RANBP3: variants seen among roughly 807,000 people sequenced by gnomAD.
RANBP3 encodes RAN binding protein 3, also known as ran-binding protein 3.
In RANBP3, 14 loss-of-function variants were observed where a neutral mutation model predicts 77.3. The observed-to-expected ratio is 0.18, with a 90% CI of 0.12 to 0.28. The LOEUF (loss-of-function observed/expected upper bound fraction) is 0.28, where lower values mean the gene tolerates loss of function less well. Ranked by LOEUF, RANBP3 falls within the 10% of genes least tolerant of loss-of-function variation. The probability of loss-of-function intolerance (pLI) is 1.00; values close to 1 mark genes in which losing one functional copy is unlikely to be tolerated. For missense variants in RANBP3, 586 were observed against 752.3 expected (o/e 0.78, Z 2.59); for synonymous variants, 315 against 312.4 (o/e 1.01, Z -0.09).
At chr19:5,976,376 C>T (rs2058591011) in intron 1 of RANBP3, 1 of 152,194 alleles carries the variant, frequency 6.6e-6, no homozygotes, top group African/African-American at 2.4e-5. Context: ...CTGATTCCCA[C>T]TTACCCAGTC....
At chr19:5,932,881 A>C in intron 6 of RANBP3, 1 of 364,244 alleles carries the variant, frequency 2.7e-6, no homozygotes, top group Non-Finnish European at 5.0e-6. Context: ...GAGGCTCAGG[A>C]CTCGGTGTGG....
intron 2 of RANBP3, among the ~76,000 whole-genome samples, chr19:5,951,933 T>G (rs1483798930): frequency 6.6e-6 from 1 of 152,090 alleles, no homozygotes; most frequent in African/African-American, 2.4e-5. Flanking sequence ...ACAGGGACGA[T>G]CATGCAAAAT....
rs1048990155 is a variant in RANBP3, at chr19:5,952,964, C to A, written c.79-1368G>T. ...ACACCTCACAAGAGAAAAATTAAAC[C>A]CAGAGCTCTGTGGGGGACTGCCTAT... On this transcript the variant is annotated intron_variant, in intron 2 of 16. Transcript: ENST00000340578. The surrounding 1 kb of genome is among the most constrained non-coding windows in gnomAD (Gnocchi z 4.1). Among the ~76,000 whole-genome samples the A allele has an allele frequency of 6.6e-6, 1 of 151,966 alleles. No individual in the cohort carries two copies. Among genetic ancestry groups the A allele is most frequent in the Non-Finnish European group, 1.5e-5 (1 of 67,998 alleles).
In RANBP3 at chr19:5,924,949, C is replaced by T. The variant is rs752783342; in HGVS notation, c.918-44G>A. The T allele has an allele frequency of 6.2e-5, 96 of 1,556,476 alleles. No individual in the cohort carries two copies. Among genetic ancestry groups the T allele is most frequent in the Non-Finnish European group, 8.2e-5 (93 of 1,127,792 alleles). On this transcript the variant is annotated intron_variant, in intron 10 of 16. Coordinates refer to ENST00000340578, the MANE Select transcript of RANBP3 (RefSeq NM_007322.3). The surrounding 1 kb of genome is among the most constrained non-coding windows in gnomAD (Gnocchi z 4.7). ...ATGAGTGTGGGGCGTCACGTGGGAA[C>T]GTGGCCAGGCAAATGTATGGGTACC...
At chr19:5,930,740 T>C (rs192285402) in intron 8 of RANBP3, among the ~76,000 whole-genome samples, 1 of 152,088 alleles carries the variant, frequency 6.6e-6, no homozygotes, top group Non-Finnish European at 1.5e-5. Flanking sequence ...GGCTAATCTG[T>C]GTATTTTTTG....
chr19:5,951,530 G>C lies in RANBP3; in HGVS notation c.145C>G (p.His49Asp). 6.2e-7 allele frequency: 1 copy of C among 1,612,324 alleles called. No homozygotes were observed. The highest frequency in any genetic ancestry group is 2.2e-5 in the East Asian group (1 of 44,876). ...EEPRGEAEAP[H>D]HGTGHPESAG... ...GACTCGGGGTGACCCGTGCCATGGT[G>C]GGGGGCCTCAGCCTCCCCCCGAGGC... The change falls in exon 3 of 17, where the codon CAC (histidine) becomes GAC (aspartate). Residue 49 changes from histidine to aspartate, a missense_variant. His to Asp is a moderately conservative substitution (Grantham distance 81). Transcript: ENST00000340578.
In RANBP3 at chr19:5,958,027, A is replaced by T. The variant is rs2058356115; in HGVS notation, c.23-54T>A. The T allele has an allele frequency of 6.9e-7, 1 of 1,451,218 alleles. No homozygotes were observed. The highest frequency in any genetic ancestry group is 1.4e-5 in the African/African-American group (1 of 71,220). The allele number at this position is 1,451,218 out of a possible 1,614,324, so 89.9% of individuals were successfully genotyped here. ...CCCCAACACTATATGCATACAGTAA[A>T]CAAAGCTACACTTGTTTGTAATATG... On this transcript the variant is annotated intron_variant, in intron 1 of 16. Transcript: ENST00000340578. This position sits in a 1 kb window ranked among gnomAD's most constrained non-coding sequence, Gnocchi z 4.4.
At chr19:5,923,406 A>G (rs902259861) in intron 12 of RANBP3, 103 bp from the exon 13 acceptor site, 1 of 1,179,134 alleles carries the variant, frequency 8.5e-7, no homozygotes, top group Non-Finnish European at 1.2e-6. Flanking sequence ...GGTCTCAAGG[A>G]CGCCTGCTGC....
intron 5 of RANBP3, among the ~76,000 whole-genome samples, chr19:5,936,022 C>T (rs963403766): frequency 5.9e-5 from 9 of 152,170 alleles, no homozygotes; most frequent in Admixed American, 2.6e-4. Flanking sequence ...CTGGCAGGCT[C>T]CCTGTCTGAG....
intron 6 of RANBP3, chr19:5,933,174 C>T (rs1304037342): frequency 2.1e-6 from 1 of 485,542 alleles, no homozygotes; most frequent in Non-Finnish European, 3.7e-6. Flanking sequence ...ATGCACCCCG[C>T]CTAGCCTGCT....
At chr19:5,928,234 A>G in intron 8 of RANBP3, 147 bp from the exon 9 acceptor site, 1 of 940,298 alleles carries the variant, frequency 1.1e-6, no homozygotes, top group East Asian at 2.6e-5. Flanking sequence ...AGGCTGAGAC[A>G]GGAGGACTGC....
intron 3 of RANBP3, 89 bp from the exon 4 acceptor site, chr19:5,941,924 T>A: frequency 6.9e-7 from 1 of 1,459,432 alleles, no homozygotes; most frequent in Admixed American, 1.7e-5. Context: ...TATCCCAACA[T>A]GCACCACGGG....
At chr19:5,947,157 T>C (rs1390879038) in intron 3 of RANBP3, among the ~76,000 whole-genome samples, 2 of 151,154 alleles carry the variant, frequency 1.3e-5, no homozygotes, top group African/African-American at 4.9e-5. Flanking sequence ...CTACTAAAAA[T>C]ACAAAAATTA....
At chr19:5,974,076 C>T (rs745613635) in intron 1 of RANBP3, among the ~76,000 whole-genome samples, 31 of 152,152 alleles carry the variant, frequency 2.0e-4, no homozygotes, top group Non-Finnish European at 3.8e-4. Flanking sequence ...CTTCTGTTGT[C>T]ATGACGACCC....
chr19:5,949,602 C>T (rs986207899), intron 3 of RANBP3, among the ~76,000 whole-genome samples: 5 of 152,234 alleles, frequency 3.3e-5, no homozygotes, highest in African/African-American at 1.2e-4. Context: ...TATGCAGCCT[C>T]CAATCCTGGC....
At chr19:5,937,642 G>C (rs1178771141) in intron 5 of RANBP3, among the ~76,000 whole-genome samples, 1 of 152,196 alleles carries the variant, frequency 6.6e-6, no homozygotes, top group African/African-American at 2.4e-5. Context: ...AAAAACAGAA[G>C]GCAGGCAGAC....
intron 3 of RANBP3, among the ~76,000 whole-genome samples, chr19:5,948,320 C>T (rs1472882975): frequency 2.0e-5 from 3 of 152,128 alleles, no homozygotes; most frequent in East Asian, 3.9e-4. Context: ...GGCATGGTGG[C>T]GGGCGCCTGC....
At chr19:5,951,323 G>A (rs1192146046) in intron 3 of RANBP3, 70 bp downstream of exon 3, 24 of 1,405,970 alleles carry the variant, frequency 1.7e-5, no homozygotes, top group South Asian at 4.9e-5. Context: ...TGAGGGACCC[G>A]AAGGGAAAGT....
intron 5 of RANBP3, among the ~76,000 whole-genome samples, chr19:5,938,851 A>T (rs963696545): frequency 2.0e-5 from 3 of 152,192 alleles, no homozygotes; most frequent in South Asian, 2.1e-4. Context: ...AGGGGCAGGG[A>T]TTCTTTTTAG....
Sources: allele counts gnomAD v4.1 joint callset (sites outside exome capture counted in the v4.1 genomes callset), GRCh38; gene constraint gnomAD v4.1.1; non-coding constraint Gnocchi (gnomAD v3.1); transcripts MANE v1.5; gene names NCBI Gene and HGNC (gene_info 2026-07-23, HGNC 2026-07-21).